ECT2: variants seen among roughly 807,000 people sequenced by gnomAD.
The protein encoded by ECT2 is protein ECT2.
ECT2 carries 61 observed loss-of-function variants against 116.9 expected under a neutral mutation model. That is an observed-to-expected ratio of 0.52 (90% confidence interval 0.42 to 0.65). ECT2 has a LOEUF of 0.65. Among genes scored for constraint, ECT2 ranks in the 30% least tolerant of loss-of-function variants. ECT2 has a pLI of 0.00. For missense variants in ECT2, 937 were observed against 1,078.7 expected (o/e 0.87, Z 1.84); for synonymous variants, 358 against 346.4 (o/e 1.03, Z -0.37).
chr3:172,805,758 G>A lies in ECT2; in HGVS notation c.2134G>A (p.Gly712Ser), dbSNP rs767399340. Residue 712 changes from glycine (G) to serine (S), a missense_variant, in exon 21 of 25, where the codon GGC (glycine) becomes AGC (serine). Physicochemically the swap from Gly to Ser is moderately conservative, Grantham distance 56. Transcript: ENST00000392692. ...AGCAAGAAAACGGCACAAGGTTATT[G>A]GCACTTTTAGGAGTCCTCATGGCCA... Reference protein sequence around the residue: ...EIARKRHKVIGTFRSPHGQTR... With the variant: ...EIARKRHKVISTFRSPHGQTR... 1.8e-5 allele frequency: 29 copies of A among 1,613,280 alleles called. No individual in the cohort carries two copies. In the Admixed American group the frequency reaches 3.5e-4, roughly 19 times the overall value.
At chr3:172,792,007 T>C (rs1368960471) in intron 18 of ECT2, among the ~76,000 whole-genome samples, 3 of 152,168 alleles carry the variant, frequency 2.0e-5, no homozygotes, top group African/African-American at 7.2e-5. Context: ...TATTGTTGTA[T>C]CTCAGGGAAT....
Position 172,757,117 on chromosome 3 carries a change from T to C in ECT2, c.438T>C (p.Cys146=). ...SVFNDLYKAD[C]RVIGPPVVLN... ...TTAATGACCTCTACAAGGCTGATTG[T>C]AGAGTTATTGGACCACCAGTTGTAT... is the stretch of plus-strand genomic sequence containing the variant. Residue 146 remains cysteine (C), a synonymous_variant, in exon 5 of 25, where the codon TGT becomes TGC. Transcript: ENST00000392692. 1 of 1,575,020 alleles carries C rather than the reference T, an allele frequency of 6.3e-7. No individual in the cohort carries two copies. Among genetic ancestry groups the C allele is most frequent in the South Asian group, 1.2e-5 (1 of 82,404 alleles).
In ECT2 at chr3:172,762,487, G is replaced by A. The variant is rs765056060; in HGVS notation, c.830G>A (p.Ser277Asn). ...CCTCCATTTCAAGATTGTATTTTAA[G>A]TTTCCTGGGATTTTCAGATGAAGAG... ...KVPPFQDCIL[S>N]FLGFSDEEKT... Residue 277 changes from serine (S) to asparagine (N), a missense_variant, in exon 9 of 25, where the codon AGT becomes AAT. Coordinates refer to ENST00000392692, the MANE Select transcript of ECT2 (RefSeq NM_001258315.2). The A allele has an allele frequency of 1.3e-6, 2 of 1,598,822 alleles. No homozygotes were observed. Among genetic ancestry groups the A allele is most frequent in the Admixed American group, 1.9e-5 (1 of 53,836 alleles).
At chr3:172,781,019 A>T (rs1350841513) in intron 14 of ECT2, among the ~76,000 whole-genome samples, 1 of 151,866 alleles carries the variant, frequency 6.6e-6, no homozygotes, top group Non-Finnish European at 1.5e-5. Context: ...ATATCTAAAA[A>T]TTTTTTTTCT....
chr3:172,801,035 C>G (rs569089770), intron 18 of ECT2, among the ~76,000 whole-genome samples: 1 of 152,200 alleles, frequency 6.6e-6, no homozygotes, highest in East Asian at 1.9e-4. Context: ...TTAAAATGTT[C>G]AATCTTTCTT....
rs540061024 is a variant in ECT2 at position 172,773,835 on chromosome 3, C to T, written c.1429-68C>T. The T allele has an allele frequency of 3.9e-5, 57 of 1,468,264 alleles. No individual in the cohort carries two copies. In the East Asian group the frequency reaches 1.3e-3, roughly 33 times the overall value. 91.0% of individuals were successfully genotyped at this position (1,468,264 alleles called of 1,614,324 possible). ...TATTAATATCTTGTGTCTCCTTTAT[C>T]ACTGTCTATCTTTTAGCTCTTTTCT... On this transcript the variant is annotated intron_variant, in intron 13 of 24. Coordinates refer to ENST00000392692, the MANE Select transcript of ECT2 (RefSeq NM_001258315.2).
At chr3:172,821,624 A>G (rs1282859383), downstream of ECT2, 1 of 151,846 alleles carries the variant, frequency 6.6e-6, no homozygotes, top group Non-Finnish European at 1.5e-5. Flanking sequence ...TTACGAGGCT[A>G]TCTGTAAGTT....
rs13079404 is a variant in ECT2 at position 172,772,433 on chromosome 3, C to T, written c.1429-1470C>T. ...GAATGATCTTGATCTCCTGACCTCG[C>T]GATCCGCCCACCTCGGCCTCTCACA... On this transcript the variant is annotated intron_variant, in intron 13 of 24. Coordinates refer to ENST00000392692, the MANE Select transcript of ECT2 (RefSeq NM_001258315.2). Among the ~76,000 whole-genome samples the T allele has an allele frequency of 2.2e-3, 339 of 152,188 alleles. 3 individuals carry two copies. The highest frequency in any genetic ancestry group is 7.6e-3 in the African/African-American group (315 of 41,542).
At chr3:172,782,864 A>G (rs1277132405) in intron 15 of ECT2, among the ~76,000 whole-genome samples, 1 of 150,540 alleles carries the variant, frequency 6.6e-6, no homozygotes, top group African/African-American at 2.4e-5. Flanking sequence ...TGCAAAGGGC[A>G]TGATCTCGCA....
chr3:172,801,462 C>T (rs1726706495), intron 18 of ECT2, among the ~76,000 whole-genome samples: 1 of 152,180 alleles, frequency 6.6e-6, no homozygotes, highest in Non-Finnish European at 1.5e-5. Flanking sequence ...GAGCACTGAG[C>T]ACTGTTAACT....
At chr3:172,809,108 G>A (rs1231550952) in intron 22 of ECT2, among the ~76,000 whole-genome samples, 1 of 151,644 alleles carries the variant, frequency 6.6e-6, no homozygotes, top group African/African-American at 2.4e-5. Flanking sequence ...CTTTTTCTAG[G>A]TATCCATATA....
intron 18 of ECT2, among the ~76,000 whole-genome samples, chr3:172,791,333 A>C (rs1021628170): frequency 6.6e-6 from 1 of 152,244 alleles, no homozygotes; most frequent in Non-Finnish European, 1.5e-5. Context: ...CTAACGAAAG[A>C]GTCAGCCTGT....
chr3:172,827,517 C>G, the ECT2 span, among the ~76,000 whole-genome samples: 1 of 152,106 alleles, frequency 6.6e-6, no homozygotes, highest in Non-Finnish European at 1.5e-5. Flanking sequence ...GTCAAATAAG[C>G]TAGGCACAAA....
chr3:172,816,625 G>A (rs1298257834), intron 23 of ECT2, 66 bp from the exon 24 acceptor site: 1 of 1,425,024 alleles, frequency 7.0e-7, no homozygotes, highest in Non-Finnish European at 9.4e-7. Context: ...GCTTTTTTAT[G>A]TTTAAATATT....
chr3:172,765,017 C>CA (rs894108189), intron 12 of ECT2, among the ~76,000 whole-genome samples: 9 of 151,910 alleles, frequency 5.9e-5, no homozygotes, highest in African/African-American at 1.7e-4. Flanking sequence ...ATTTAAGAAA[C>CA]AAAAAAAATC....
At chr3:172,786,636 C>A in intron 18 of ECT2, 62 bp downstream of exon 18, 1 of 1,125,764 alleles carries the variant, frequency 8.9e-7, no homozygotes, top group Non-Finnish European at 1.3e-6. Flanking sequence ...TGATAGAAAA[C>A]TAGAATCATA....
At position 172,754,672 on chromosome 3, in the gene ECT2, A is replaced by G. The variant is rs759691315; in HGVS notation, c.130+12A>G. On this transcript the variant is annotated intron_variant, in intron 2 of 24. Coordinates refer to ENST00000392692, the MANE Select transcript of ECT2 (RefSeq NM_001258315.2). ...TTCATATGTAGAAGGTAAACCTGTT[A>G]CCTGCTTTAAAACAATCAATTTCTA... The G allele has an allele frequency of 7.0e-6, 11 of 1,581,368 alleles. No homozygotes were observed. Among genetic ancestry groups the G allele is most frequent in the Non-Finnish European group, 8.6e-6 (10 of 1,162,998 alleles).
At chr3:172,786,922 C>A (rs1171201736) in intron 18 of ECT2, among the ~76,000 whole-genome samples, 3 of 152,198 alleles carry the variant, frequency 2.0e-5, no homozygotes, top group African/African-American at 4.8e-5. Flanking sequence ...AGAATGTGAC[C>A]ACAGTGAAAC....
chr3:172,783,371 A>G (rs1298389362), intron 15 of ECT2, among the ~76,000 whole-genome samples: 1 of 152,148 alleles, frequency 6.6e-6, no homozygotes, highest in East Asian at 1.9e-4. Context: ...TCAGTCAGCC[A>G]ACATTGTTTT....
Sources: allele counts gnomAD v4.1 joint callset (sites outside exome capture counted in the v4.1 genomes callset), GRCh38; gene constraint gnomAD v4.1.1; transcripts MANE v1.5; gene names NCBI Gene and HGNC (gene_info 2026-07-23, HGNC 2026-07-21).